The following PGLYRP4 variants were observed in gnomAD, a reference collection of about 807,000 sequenced individuals.
PGLYRP4 encodes PGRP-I-beta.
PGLYRP4 carries 39 observed loss-of-function variants against 41.2 expected under a neutral mutation model. The ratio of observed to expected loss-of-function variants is 0.95; its 90% confidence interval spans 0.73 to 1.24. PGLYRP4 has a LOEUF of 1.24. Among genes scored for constraint, PGLYRP4 ranks in the 50% most tolerant of loss-of-function variants. The pLI, the probability that PGLYRP4 is intolerant of heterozygous loss-of-function variation, is 0.00. For synonymous variants in PGLYRP4, 202 were observed against 186.8 expected (o/e 1.08, Z -0.66); for missense variants, 467 against 460.7 (o/e 1.01, Z -0.13).
intron 6 of PGLYRP4, among the ~76,000 whole-genome samples, chr1:153,340,854 A>T (rs1267315486): frequency 6.6e-6 from 1 of 152,242 alleles, no homozygotes; most frequent in East Asian, 1.9e-4. Context: ...ATGTTAACAG[A>T]TGGCACCAGA....
intron 2 of PGLYRP4, among the ~76,000 whole-genome samples, chr1:153,347,133 G>T (rs1661044105): frequency 6.6e-6 from 1 of 152,104 alleles, no homozygotes; most frequent in African/African-American, 2.4e-5. Context: ...GAGTGCAGTG[G>T]CTCAATCTCG....
At chr1:153,337,406 C>T (rs143267492) in intron 7 of PGLYRP4, 107 bp from the exon 8 acceptor site, 2 of 678,594 alleles carry the variant, frequency 2.9e-6, no homozygotes, top group South Asian at 2.0e-5. Flanking sequence ...CTTTGATTAT[C>T]TATTGGATTC....
intron 8 of PGLYRP4, among the ~76,000 whole-genome samples, chr1:153,336,052 G>A (rs961402756): frequency 1.6e-4 from 9 of 56,740 alleles, no homozygotes; most frequent in South Asian, 1.5e-3. Flanking sequence ...GTGCGTGTGT[G>A]TGTGTGTGTG....
At position 153,337,279 on chromosome 1, in the gene PGLYRP4, C is replaced by A. The variant is rs1277252963; in HGVS notation, c.845G>T (p.Gly282Val). The A allele has an allele frequency of 6.2e-7, 1 of 1,608,336 alleles. No individual in the cohort carries two copies. Among genetic ancestry groups the A allele is most frequent in the African/African-American group, 1.3e-5 (1 of 74,600 alleles). The change falls in exon 8 of 9, where the codon GGC (glycine) becomes GTC (valine). Residue 282 changes from glycine to valine, a missense_variant. Coordinates refer to ENST00000359650, the MANE Select transcript of PGLYRP4 (RefSeq NM_020393.4). ...IGYNFLVGQD[G>V]AIYEGVGWNV... ...CCAGCCCACCCCTTCATAAATGGCG[C>A]CATCCTGGCCCACCAGGAAGCTAGA...
Position 153,345,200 on chromosome 1 carries a change from G to A in PGLYRP4, c.322C>T (p.His108Tyr), listed in dbSNP as rs201576903. The change falls in exon 4 of 9, where the codon CAC becomes TAC. Residue 108 changes from histidine to tyrosine, a missense_variant. His to Tyr is a moderately conservative substitution (Grantham distance 83). Transcript: ENST00000359650. ...RLRELQAHHV[H>Y]NNSGCDVAYN... The stretch of plus-strand genomic sequence containing the variant: ...GCCACATCACACCCACTGTTGTTGT[G>A]GACATGATGGGCCTGCAGTTCCCGC... 4.1e-5 allele frequency: 66 copies of A among 1,613,274 alleles called. No homozygotes were observed. In the East Asian group the frequency reaches 1.4e-3, roughly 35 times the overall value.
chr1:153,337,110 T>A, intron 8 of PGLYRP4, 71 bp downstream of exon 8: 1 of 1,127,672 alleles, frequency 8.9e-7, no homozygotes, highest in Non-Finnish European at 1.4e-6. Context: ...AGACTGAGAC[T>A]TTGTCTTCCA....
intron 7 of PGLYRP4, among the ~76,000 whole-genome samples, 158 bp from the exon 8 acceptor site, chr1:153,337,457 T>C (rs979893490): frequency 6.6e-6 from 1 of 152,220 alleles, no homozygotes; most frequent in African/African-American, 2.4e-5. Flanking sequence ...TCCTTGCCAA[T>C]GGAGTGCTGG....
intron 8 of PGLYRP4, 147 bp downstream of exon 8, chr1:153,337,034 G>T (rs773927526): frequency 2.7e-6 from 2 of 736,910 alleles, no homozygotes; most frequent in Non-Finnish European, 4.9e-6. Flanking sequence ...GTCACACTCA[G>T]CTGAGTCAAA....
intron 4 of PGLYRP4, 170 bp downstream of exon 4, chr1:153,344,998 AG>A: frequency 1.7e-6 from 1 of 601,814 alleles, no homozygotes; most frequent in South Asian, 2.1e-5. Context: ...GGCACCTCAC[AG>A]AAAAATCCAA....
intron 4 of PGLYRP4, among the ~76,000 whole-genome samples, chr1:153,344,008 G>C (rs771845387): frequency 6.6e-6 from 1 of 152,118 alleles, no homozygotes; most frequent in Non-Finnish European, 1.5e-5. Context: ...ACTGGGGGGC[G>C]GTGGGGATAT....
chr1:153,337,988 T>C (rs891814818), intron 7 of PGLYRP4, among the ~76,000 whole-genome samples: 1 of 152,102 alleles, frequency 6.6e-6, no homozygotes, highest in Non-Finnish European at 1.5e-5. Flanking sequence ...AATGTGAGGT[T>C]CCTCAGGATG....
At chr1:153,346,066 G>C (rs200487767) in intron 3 of PGLYRP4, 36 bp downstream of exon 3, 4 of 1,478,756 alleles carry the variant, frequency 2.7e-6, no homozygotes, top group Non-Finnish European at 2.8e-6. Flanking sequence ...ACCCCAGCTC[G>C]TCCCAAAACC....
Position 153,340,267 on chromosome 1 carries a change from G to A in PGLYRP4, c.824+114C>T, listed in dbSNP as rs367930803. On this transcript the variant is annotated intron_variant, in intron 7 of 8. Transcript: ENST00000359650. The stretch of plus-strand genomic sequence containing the variant: ...ATGAATTCATTTGGTTATCCATACA[G>A]TGCCTCTCCTATGGTGACTACCCAG... 6.6e-6 allele frequency: 6 copies of A among 902,302 alleles called. No homozygotes were observed. The East Asian group carries it at 9.9e-5, about 15-fold the overall frequency. 55.9% of individuals were successfully genotyped at this position (902,302 alleles called of 1,614,324 possible). A position where few individuals can be genotyped will look rare whatever the true frequency, so the allele number is the denominator to read the frequency against.
intron 5 of PGLYRP4, among the ~76,000 whole-genome samples, chr1:153,342,778 T>C (rs1176782868): frequency 2.6e-5 from 4 of 152,152 alleles, no homozygotes; most frequent in Non-Finnish European, 4.4e-5. Flanking sequence ...GTCATTGACA[T>C]AGAGGAGAGA....
intron 6 of PGLYRP4, 117 bp downstream of exon 6, chr1:153,341,510 G>T: frequency 1.0e-6 from 1 of 961,044 alleles, no homozygotes; most frequent in South Asian, 1.7e-5. Context: ...TGGGTGGCCA[G>T]TTGCCTTCCA....
chr1:153,340,341 C>T (rs781756965), intron 7 of PGLYRP4, 40 bp downstream of exon 7: 5 of 1,577,678 alleles, frequency 3.2e-6, no homozygotes, highest in Non-Finnish European at 3.5e-6. Flanking sequence ...AGTTTCTGCC[C>T]CCAAGGGAAA....
intron 7 of PGLYRP4, among the ~76,000 whole-genome samples, chr1:153,339,608 T>A (rs933795852): frequency 2.0e-5 from 3 of 152,228 alleles, no homozygotes; most frequent in African/African-American, 7.2e-5. Flanking sequence ...GGATGTCTTA[T>A]CTGCAAACTC....
intron 8 of PGLYRP4, among the ~76,000 whole-genome samples, chr1:153,333,264 A>G (rs1034233836): frequency 6.6e-6 from 1 of 152,196 alleles, no homozygotes; most frequent in Non-Finnish European, 1.5e-5. Context: ...AGAAATAACA[A>G]AAGATTGTCA....
In PGLYRP4 at chr1:153,340,553, C is replaced by T. The variant is rs780494022; in HGVS notation, c.652G>A (p.Val218Met). ...KACPGVVPRSVWGARETHCPR... is the reference protein window; with the variant it reads ...KACPGVVPRSMWGARETHCPR... ...CAGTGGGTCTCCCTGGCTCCCCACA[C>T]AGACCGTGGGACAACGCCGGGGCAA... The change falls in exon 7 of 9, where the codon GTG becomes ATG. Residue 218 changes from valine (V) to methionine (M), a missense_variant. Transcript: ENST00000359650. 15 of 1,613,954 alleles carry T rather than the reference C, an allele frequency of 9.3e-6. No homozygotes were observed. The highest frequency in any genetic ancestry group is 1.3e-5 in the Non-Finnish European group (15 of 1,180,030).
Sources: gnomAD v4.1 joint callset for allele counts (sites outside exome capture counted in the v4.1 genomes callset) on GRCh38, gnomAD v4.1.1 for gene constraint, MANE v1.5 for transcripts, NCBI Gene and HGNC (gene_info 2026-07-23, HGNC 2026-07-21) for gene names.